NKAIN2: variants seen among roughly 807,000 people sequenced by gnomAD.
The protein encoded by NKAIN2 is sodium/potassium transporting ATPase interacting 2, also known as sodium/potassium-transporting ATPase subunit beta-1-interacting protein 2.
NKAIN2 carries 14 observed loss-of-function variants against 32.6 expected under a neutral mutation model. That is an observed-to-expected ratio of 0.43 (90% CI 0.28 to 0.67). The LOEUF (loss-of-function observed/expected upper bound fraction) is 0.67, where lower values mean the gene tolerates loss of function less well. Among genes scored for constraint, NKAIN2 ranks in the 30% least tolerant of loss-of-function variants. NKAIN2 has a pLI of 0.17. For synonymous variants in NKAIN2, 80 were observed against 87.2 expected, an observed-to-expected ratio of 0.92 and a Z score of 0.46; for missense variants, 198 against 258.3, an observed-to-expected ratio of 0.77 and a Z score of 1.60.
In NKAIN2 at chr6:124,260,596, G is replaced by C. The variant is rs576320229; in HGVS notation, c.55-22409G>C. Among the ~76,000 whole-genome samples, 11 of 152,224 alleles carry C rather than the reference G, an allele frequency of 7.2e-5. No homozygotes were observed. In the East Asian group the frequency reaches 7.7e-4, roughly 11 times the overall value. Reference sequence around the variant, plus strand: ...TTGCAGGAGAGGTACAGGAGAGAAGGGGGTGGTGAGACAAATCAGGAGACT... The same window carrying C: ...TTGCAGGAGAGGTACAGGAGAGAAGCGGGTGGTGAGACAAATCAGGAGACT... On this transcript the variant is annotated intron_variant, in intron 1 of 6. Transcript: ENST00000368417.
chr6:124,709,127 A>C (rs1390102777), intron 4 of NKAIN2, among the ~76,000 whole-genome samples: 2 of 135,150 alleles, frequency 1.5e-5, no homozygotes, highest in Non-Finnish European at 3.2e-5. Context: ...CTCTGTTTAT[A>C]TGCTGGATTA....
chr6:123,954,650 A>G, intron 1 of NKAIN2, among the ~76,000 whole-genome samples: 1 of 152,176 alleles, frequency 6.6e-6, no homozygotes, highest in Non-Finnish European at 1.5e-5. Flanking sequence ...TGGAGACCCA[A>G]AGGATTTTTA....
intron 2 of NKAIN2, among the ~76,000 whole-genome samples, chr6:124,306,786 T>C (rs766947996): frequency 4.6e-5 from 7 of 152,280 alleles, no homozygotes; most frequent in Non-Finnish European, 8.8e-5. Context: ...AAGTCAATCT[T>C]AATGGCCATT....
chr6:124,816,916 T>C (rs1349795096), intron 5 of NKAIN2, among the ~76,000 whole-genome samples: 2 of 152,202 alleles, frequency 1.3e-5, no homozygotes, highest in Non-Finnish European at 2.9e-5. Flanking sequence ...AACTAAACTT[T>C]TTCACAGTAC....
chr6:123,911,810 TATACACACACACACAC>T (rs1342737980), intron 1 of NKAIN2, among the ~76,000 whole-genome samples: 12 of 94,296 alleles, frequency 1.3e-4, no homozygotes, highest in African/African-American at 6.2e-4. Flanking sequence ...TGTATATATA[TATACACACACACACAC>T]ACACACACAC....
intron 1 of NKAIN2, among the ~76,000 whole-genome samples, chr6:124,273,594 T>C (rs548388286): frequency 7.2e-5 from 11 of 152,212 alleles, no homozygotes; most frequent in Non-Finnish European, 1.3e-4. Context: ...GACATGAATA[T>C]GTCTGATTCA....
chr6:124,723,686 TTACTG>T (rs1435434829), intron 4 of NKAIN2, among the ~76,000 whole-genome samples: 1 of 152,172 alleles, frequency 6.6e-6, no homozygotes, highest in Non-Finnish European at 1.5e-5. Flanking sequence ...AAATCAGTTT[TTACTG>T]TAAGTAAGAA....
intron 1 of NKAIN2, among the ~76,000 whole-genome samples, chr6:123,914,998 G>A (rs922823979): frequency 1.3e-5 from 2 of 152,152 alleles, no homozygotes; most frequent in African/African-American, 4.8e-5. Context: ...CTCTGGGAAG[G>A]TGGCAGTCTG....
At chr6:124,697,732 CATT>C (rs749564688) in intron 4 of NKAIN2, among the ~76,000 whole-genome samples, 6 of 152,138 alleles carry the variant, frequency 3.9e-5, no homozygotes, top group Non-Finnish European at 8.8e-5. Flanking sequence ...ATAAAGCAAA[CATT>C]AGGTAATATT....
intron 1 of NKAIN2, among the ~76,000 whole-genome samples, chr6:123,921,642 A>G (rs2114492131): frequency 6.6e-6 from 1 of 152,292 alleles, no homozygotes; most frequent in South Asian, 2.1e-4. Context: ...CAACTGTCAA[A>G]TGGAAAGAAG....
chr6:124,699,271 G>A (rs1327301895), intron 4 of NKAIN2, among the ~76,000 whole-genome samples: 2 of 152,144 alleles, frequency 1.3e-5, no homozygotes, highest in African/African-American at 4.8e-5. Context: ...AAGCTTAGCT[G>A]GAATGTGAAC....
At chr6:124,206,578 G>A (rs193031207) in intron 1 of NKAIN2, among the ~76,000 whole-genome samples, 3 of 151,768 alleles carry the variant, frequency 2.0e-5, no homozygotes, top group Admixed American at 2.0e-4. Flanking sequence ...TTGTATTTTT[G>A]TTACTCCATT....
intron 3 of NKAIN2, among the ~76,000 whole-genome samples, chr6:124,544,635 A>T (rs1780028710): frequency 6.6e-6 from 1 of 152,048 alleles, no homozygotes; most frequent in South Asian, 2.1e-4. Flanking sequence ...TGTTTCCCGA[A>T]CCTCAATGCA....
chr6:124,479,430 T>C (rs1777359017), intron 3 of NKAIN2, among the ~76,000 whole-genome samples: 1 of 152,158 alleles, frequency 6.6e-6, no homozygotes, highest in Admixed American at 6.5e-5. Flanking sequence ...AATACAGTGG[T>C]ACCCAAACAA....
intron 1 of NKAIN2, among the ~76,000 whole-genome samples, chr6:123,974,436 T>C (rs1778465905): frequency 6.6e-6 from 1 of 152,170 alleles, no homozygotes; most frequent in Non-Finnish European, 1.5e-5. Flanking sequence ...AAAATAAAAA[T>C]TACCACGGTT....
At chr6:124,221,341 G>A (rs192363404) in intron 1 of NKAIN2, among the ~76,000 whole-genome samples, 86 of 148,042 alleles carry the variant, frequency 5.8e-4, no homozygotes, top group African/African-American at 1.8e-3. Flanking sequence ...TCACTCATAG[G>A]TGGGAATTGA....
At chr6:124,061,376 G>A (rs1782911181) in intron 1 of NKAIN2, among the ~76,000 whole-genome samples, 1 of 152,044 alleles carries the variant, frequency 6.6e-6, no homozygotes, top group African/African-American at 2.4e-5. Flanking sequence ...GGAAAGGTGG[G>A]AAGCAAGGTA....
intron 1 of NKAIN2, among the ~76,000 whole-genome samples, chr6:124,080,720 G>C (rs371815665): frequency 3.4e-5 from 5 of 149,124 alleles, no homozygotes. Flanking sequence ...AAACACACAC[G>C]ACTACTAGCA....
chr6:124,057,384 T>G (rs1782705250), intron 1 of NKAIN2, among the ~76,000 whole-genome samples: 1 of 152,120 alleles, frequency 6.6e-6, no homozygotes, highest in East Asian at 1.9e-4. Context: ...GCAGCTTCAA[T>G]TTGATTAAGA....
Sources: allele counts gnomAD v4.1 joint callset (sites outside exome capture counted in the v4.1 genomes callset), GRCh38; gene constraint gnomAD v4.1.1; transcripts MANE v1.5; gene names NCBI Gene and HGNC (gene_info 2026-07-23, HGNC 2026-07-21).